GRM5: variants seen among roughly 807,000 people sequenced by gnomAD.
GRM5 encodes the protein metabotropic glutamate receptor 5.
Under a neutral mutation model 83.1 loss-of-function variants are expected in GRM5, and 19 were observed. The ratio of observed to expected loss-of-function variants is 0.23; its 90% CI spans 0.16 to 0.34. The LOEUF (loss-of-function observed/expected upper bound fraction) is 0.34, where lower values mean the gene tolerates loss of function less well. GRM5 is among the 10% of genes least tolerant of loss of function. GRM5 has a pLI of 1.00. For missense variants in GRM5, 1,160 were observed against 1,588.3 expected, an observed-to-expected ratio of 0.73 and a Z score of 4.58; for synonymous variants, 675 against 633.6, an observed-to-expected ratio of 1.07 and a Z score of -0.98.
chr11:89,060,536 A>G (rs2135171900), intron 1 of GRM5, among the ~76,000 whole-genome samples: 1 of 152,230 alleles, frequency 6.6e-6, no homozygotes, highest in South Asian at 2.1e-4. Context: ...ATGATAATTA[A>G]ATAAAATAAC....
At chr11:88,579,442 T>C (rs1025028012) in intron 7 of GRM5, among the ~76,000 whole-genome samples, 5 of 152,048 alleles carry the variant, frequency 3.3e-5, no homozygotes, top group African/African-American at 1.2e-4. Flanking sequence ...TATGAGGTGA[T>C]ATAAGAGGTA....
intron 1 of GRM5, among the ~76,000 whole-genome samples, chr11:89,050,200 C>A (rs1356771806): frequency 6.6e-6 from 1 of 152,060 alleles, no homozygotes; most frequent in Non-Finnish European, 1.5e-5. Flanking sequence ...AAGTTTGTTA[C>A]TTATTTAACA....
At chr11:88,899,563 G>A (rs1281484206) in intron 2 of GRM5, among the ~76,000 whole-genome samples, 1 of 151,828 alleles carries the variant, frequency 6.6e-6, no homozygotes, top group African/African-American at 2.4e-5. Flanking sequence ...AGAGGAAATG[G>A]ACTGATTTAC....
At chr11:88,938,056 G>C (rs551774676) in intron 2 of GRM5, among the ~76,000 whole-genome samples, 99 of 151,682 alleles carry the variant, frequency 6.5e-4, no homozygotes, top group African/African-American at 2.3e-3. Flanking sequence ...ATATTCTCAC[G>C]ACCAACAAGG....
At chr11:89,010,236 TAG>T (rs1940658794) in intron 2 of GRM5, among the ~76,000 whole-genome samples, 1 of 152,188 alleles carries the variant, frequency 6.6e-6, no homozygotes, top group Admixed American at 6.5e-5. Flanking sequence ...CCCTTAAAGT[TAG>T]AGTGTGAATA....
intron 7 of GRM5, among the ~76,000 whole-genome samples, chr11:88,585,199 G>A (rs574313565): frequency 3.3e-5 from 5 of 152,226 alleles, no homozygotes; most frequent in South Asian, 4.1e-4. Flanking sequence ...CCTAGCATAC[G>A]AACAGCCAGG....
intron 2 of GRM5, among the ~76,000 whole-genome samples, chr11:88,897,759 C>A (rs1250170432): frequency 2.0e-5 from 3 of 151,864 alleles, no homozygotes; most frequent in African/African-American, 7.2e-5. Context: ...TTAGAGTTAG[C>A]CTGAACTCAC....
chr11:88,635,741 C>T (rs2135278052), intron 4 of GRM5, among the ~76,000 whole-genome samples: 1 of 152,150 alleles, frequency 6.6e-6, no homozygotes, highest in South Asian at 2.1e-4. Context: ...GGGTCATACC[C>T]CCCAAAAAAT....
chr11:88,758,918 A>T (rs751400363), intron 3 of GRM5, among the ~76,000 whole-genome samples: 1 of 152,130 alleles, frequency 6.6e-6, no homozygotes, highest in African/African-American at 2.4e-5. Flanking sequence ...ACAAGCCAGA[A>T]GAGATTGAAG....
chr11:89,047,833 C>T lies in GRM5; in HGVS notation c.40G>A (p.Glu14Lys). The T allele has an allele frequency of 1.2e-6, 2 of 1,614,048 alleles. No homozygotes were observed. The highest frequency in any genetic ancestry group is 1.7e-6 in the Non-Finnish European group (2 of 1,179,954). The change falls in exon 2 of 10, where the codon GAA (glutamate) becomes AAA (lysine). Residue 14 changes from glutamate (E) to lysine (K), a missense_variant. Glu to Lys is a moderately conservative substitution (Grantham distance 56). Around this residue, in one of 9 missense-constraint regions of GRM5, gnomAD observed 71 missense variants for 145.8 expected, o/e 0.49. Transcript: ENST00000305447. This position sits in a 1 kb window ranked among gnomAD's most constrained non-coding sequence, Gnocchi z 5.1. Reference protein sequence around the residue: ...LLILSVLLLKEDVRGSAQSSE... With the variant: ...LLILSVLLLKKDVRGSAQSSE... ...GACTGTGCACTCCCACGGACATCTT[C>T]TTTCAAAAGTAAGACTGACAGGATC...
chr11:88,987,086 C>T (rs1591022607), intron 2 of GRM5, among the ~76,000 whole-genome samples: 1 of 152,002 alleles, frequency 6.6e-6, no homozygotes, highest in Non-Finnish European at 1.5e-5. Context: ...TCTGCATTTC[C>T]ATCTGAGGTA....
At chr11:88,915,272 G>A (rs1380206839) in intron 2 of GRM5, among the ~76,000 whole-genome samples, 1 of 152,022 alleles carries the variant, frequency 6.6e-6, no homozygotes, top group Non-Finnish European at 1.5e-5. Flanking sequence ...AAAGCTGCCC[G>A]ATAGAGCTTT....
At chr11:88,777,937 G>C (rs1005527952) in intron 3 of GRM5, among the ~76,000 whole-genome samples, 5 of 152,316 alleles carry the variant, frequency 3.3e-5, no homozygotes, top group African/African-American at 9.6e-5. Flanking sequence ...GAGGCAGTCT[G>C]TCCATTCTCA....
intron 3 of GRM5, among the ~76,000 whole-genome samples, chr11:88,703,633 C>T (rs372998686): frequency 1.3e-4 from 20 of 152,114 alleles, no homozygotes; most frequent in East Asian, 1.2e-3. Context: ...ATCATAGGGG[C>T]GGTTACCCTC....
intron 2 of GRM5, among the ~76,000 whole-genome samples, chr11:88,897,509 G>T (rs1310434718): frequency 6.6e-6 from 1 of 151,852 alleles, no homozygotes; most frequent in African/African-American, 2.4e-5. Context: ...CAATACTGTT[G>T]CTGGGTGAAC....
chr11:88,832,828 T>C (rs989992226), intron 3 of GRM5, among the ~76,000 whole-genome samples: 1 of 152,112 alleles, frequency 6.6e-6, no homozygotes, highest in Non-Finnish European at 1.5e-5. Context: ...TTTATCCAAA[T>C]GATTTTTGGA....
intron 3 of GRM5, among the ~76,000 whole-genome samples, chr11:88,762,052 G>C (rs1483467244): frequency 6.6e-6 from 1 of 152,020 alleles, no homozygotes; most frequent in Non-Finnish European, 1.5e-5. Context: ...ACTCAAGATG[G>C]ATTAAATACT....
At chr11:88,551,047 G>A (rs1280324187) in intron 8 of GRM5, among the ~76,000 whole-genome samples, 1 of 151,602 alleles carries the variant, frequency 6.6e-6, no homozygotes, top group African/African-American at 2.4e-5. Context: ...ATATCTATGT[G>A]GTATTGACAG....
chr11:88,745,701 C>T (rs1004740123), intron 3 of GRM5, among the ~76,000 whole-genome samples: 4 of 152,194 alleles, frequency 2.6e-5, no homozygotes, highest in African/African-American at 7.2e-5. Context: ...AATTCCAACA[C>T]CCAGTGTGAG....
Sources: gnomAD v4.1 joint callset for allele counts (sites outside exome capture counted in the v4.1 genomes callset) on GRCh38, gnomAD v4.1.1 for gene constraint, gnomAD v4.1.1 regional missense constraint, Gnocchi (gnomAD v3.1) non-coding constraint, MANE v1.5 for transcripts, NCBI Gene and HGNC (gene_info 2026-07-23, HGNC 2026-07-21) for gene names.